Variants in FRAS1 observed in about 807,000 individuals in gnomAD.
FRAS1 encodes extracellular matrix organizing protein FRAS1.
A neutral mutation model predicts 435.2 loss-of-function variants in FRAS1; 290 were observed. The ratio of observed to expected loss-of-function variants is 0.67; its 90% CI spans 0.61 to 0.73. The LOEUF is 0.73. Ranked by LOEUF, FRAS1 falls within the 30% of genes least tolerant of loss-of-function variation. The probability of loss-of-function intolerance (pLI) is 0.00; values close to 1 mark genes in which losing one functional copy is unlikely to be tolerated. For synonymous variants in FRAS1, 1,800 were observed against 1,851.0 expected (o/e 0.97, Z 0.71); for missense variants, 4,860 against 5,001.5 (o/e 0.97, Z 0.85).
chr4:78,266,722 A>G (rs973524024), intron 7 of FRAS1, 112 bp from the exon 8 acceptor site: 7 of 747,988 alleles, frequency 9.4e-6, no homozygotes, highest in African/African-American at 8.7e-5. Context: ...AGTACATTCA[A>G]TGTGGCTCAT....
chr4:78,508,157 T>C (rs1037821596), intron 62 of FRAS1, among the ~76,000 whole-genome samples: 1 of 152,194 alleles, frequency 6.6e-6, no homozygotes. Flanking sequence ...ATAGAATGAA[T>C]GCACTGTCCT....
Position 78,419,051 on chromosome 4 carries a change from C to T in FRAS1, c.4528C>T (p.His1510Tyr), listed in dbSNP as rs1733660672. 2 of 1,554,502 alleles carry T rather than the reference C, an allele frequency of 1.3e-6. No individual in the cohort carries two copies. Among genetic ancestry groups the T allele is most frequent in the East Asian group, 2.3e-5 (1 of 43,556 alleles). The change falls in exon 33 of 74, where the codon CAT becomes TAT. Residue 1510 changes from histidine (H) to tyrosine (Y), a missense_variant. Physicochemically the swap from His to Tyr is moderately conservative, Grantham distance 83. Transcript: ENST00000512123. ...KIVYNITLPLHPNQGIIEHRD... is the reference protein window; with the variant it reads ...KIVYNITLPLYPNQGIIEHRD... ...TGTCTACAACATCACTCTACCTCTG[C>T]ATCCAAATCAAGGTAAGATGTGCAG...
chr4:78,320,954 G>C (rs1215510845), intron 18 of FRAS1, among the ~76,000 whole-genome samples: 1 of 152,162 alleles, frequency 6.6e-6, no homozygotes, highest in Non-Finnish European at 1.5e-5. Flanking sequence ...TTGGTACAGT[G>C]CTCCCATGAA....
intron 50 of FRAS1, among the ~76,000 whole-genome samples, chr4:78,467,823 A>G (rs137966033): frequency 0.02 from 3,065 of 152,312 alleles, 103 homozygotes; most frequent in African/African-American, 0.069. Context: ...TCTGATGATC[A>G]GTGATATTGA....
In FRAS1 at chr4:78,071,664, T is replaced by C. The variant is rs1002843517; in HGVS notation, c.108+5648T>C. The C allele has an allele frequency of 2.9e-4, 44 of 152,214 alleles. 1 individual carries two copies. The highest frequency in any genetic ancestry group is 1.2e-4 in the Non-Finnish European group (8 of 68,048). The allele number at this position is 152,214 out of a possible 1,614,324, so 9.4% of individuals were successfully genotyped here. A position where few individuals can be genotyped will look rare whatever the true frequency, so the allele number is the denominator to read the frequency against. On this transcript the variant is annotated intron_variant, in intron 2 of 73. Coordinates refer to ENST00000512123, the MANE Select transcript of FRAS1 (RefSeq NM_025074.7). ...GTGGTAGCTACGAGCCACATGTGGT[T>C]ATTGAGTACTTGAAGTGTGGCTGAC...
chr4:78,372,772 A>G lies in FRAS1; in HGVS notation c.2924A>G (p.Gln975Arg), dbSNP rs761201148. ...CSGPLKTDCL[Q>R]CMDGYVLQDG... ...GGGCCCCTGAAAACAGACTGCCTGC[A>G]GTGCATGGATGGCTATGTTCTCCAG... The change falls in exon 24 of 74, where the codon CAG (glutamine) becomes CGG (arginine). Residue 975 changes from glutamine to arginine, a missense_variant. Coordinates refer to ENST00000512123, the MANE Select transcript of FRAS1 (RefSeq NM_025074.7). 1.6e-5 allele frequency: 26 copies of G among 1,613,140 alleles called. No homozygotes were observed. In the African/African-American group the frequency reaches 2.8e-4, roughly 17 times the overall value.
intron 2 of FRAS1, among the ~76,000 whole-genome samples, chr4:78,195,301 T>C (rs1722753720): frequency 6.6e-6 from 1 of 152,224 alleles, no homozygotes; most frequent in Non-Finnish European, 1.5e-5. Context: ...CTCAAAGCTG[T>C]CAGCCAGGGA....
Position 78,451,828 on chromosome 4 carries a change from T to G in FRAS1, c.6520T>G (p.Phe2174Val). The G allele has an allele frequency of 1.9e-6, 3 of 1,613,130 alleles. No homozygotes were observed. The highest frequency in any genetic ancestry group is 2.2e-5 in the South Asian group (2 of 90,998). Residue 2174 changes from phenylalanine (F) to valine (V), a missense_variant, in exon 46 of 74, where the codon TTT becomes GTT. Transcript: ENST00000512123. ...GEPGGSFAFK[F>V]DVVDGEGNRL... ...ACCTGGAGGGAGCTTTGCTTTTAAA[T>G]TTGATGTGGTTGATGGAGAAGGCAA...
chr4:78,538,597 A>G (rs1272053453), intron 72 of FRAS1, among the ~76,000 whole-genome samples: 1 of 152,132 alleles, frequency 6.6e-6, no homozygotes, highest in Non-Finnish European at 1.5e-5. Context: ...AGGGGAAGCA[A>G]ATACATCCTT....
intron 9 of FRAS1, among the ~76,000 whole-genome samples, chr4:78,268,447 G>A (rs1339302564): frequency 6.6e-6 from 1 of 152,136 alleles, no homozygotes; most frequent in African/African-American, 2.4e-5. Flanking sequence ...TTTTCTTTAT[G>A]TTAGAGGAAT....
rs376487875 is a variant in FRAS1 at position 78,407,714 on chromosome 4, G to A, written c.4181G>A (p.Gly1394Glu). 5.6e-6 allele frequency: 9 copies of A among 1,613,744 alleles called. No homozygotes were observed. The South Asian group carries it at 7.7e-5, about 14-fold the overall frequency. ...NMPADSPADEGQHLPDGRTAT... is the reference protein window; with the variant it reads ...NMPADSPADEEQHLPDGRTAT... ...CCTGCAGACAGCCCTGCAGATGAAG[G>A]GCAGCACCTGCCTGATGGGAGGACA... Residue 1394 changes from glycine (G) to glutamate (E), a missense_variant, in exon 31 of 74, where the codon GGG becomes GAG. Coordinates refer to ENST00000512123, the MANE Select transcript of FRAS1 (RefSeq NM_025074.7).
At chr4:78,377,063 C>T (rs1205305316) in intron 26 of FRAS1, among the ~76,000 whole-genome samples, 2 of 152,104 alleles carry the variant, frequency 1.3e-5, no homozygotes, top group African/African-American at 2.4e-5. Flanking sequence ...TTAGTGGACA[C>T]GTTACCTTAA....
intron 2 of FRAS1, among the ~76,000 whole-genome samples, chr4:78,136,868 A>C (rs936471254): frequency 3.9e-5 from 6 of 152,158 alleles, no homozygotes; most frequent in African/African-American, 1.4e-4. Flanking sequence ...TATCAGTTTA[A>C]TTCCTCATGC....
At chr4:78,412,851 G>A (rs895955517) in intron 31 of FRAS1, 118 bp from the exon 32 acceptor site, 1 of 468,620 alleles carries the variant, frequency 2.1e-6, no homozygotes, top group African/African-American at 2.0e-5. Context: ...AATGAGAGTT[G>A]TAACGCAGGA....
chr4:78,156,807 C>T (rs559060879), intron 2 of FRAS1, among the ~76,000 whole-genome samples: 1 of 152,236 alleles, frequency 6.6e-6, no homozygotes, highest in East Asian at 1.9e-4. Flanking sequence ...TGTCAGAATA[C>T]CTCTGTGGTG....
At chr4:78,454,173 TAAA>T (rs35377781) in intron 47 of FRAS1, among the ~76,000 whole-genome samples, 5 of 129,424 alleles carry the variant, frequency 3.9e-5, no homozygotes, top group Admixed American at 8.0e-5. Flanking sequence ...CGCTGATACA[TAAA>T]AAAAAAAAAA....
In FRAS1 at chr4:78,479,374, G is replaced by A; in HGVS notation, c.8099G>A (p.Gly2700Glu). The change falls in exon 56 of 74, where the codon GGA (glycine) becomes GAA (glutamate). Residue 2700 changes from glycine to glutamate, a missense_variant and splice_region_variant. Transcript: ENST00000512123. ...TGGTTTTTTGCCATTTGTATTTCAG[G>A]AGATGCAAGCAGCATTGTATCTGCA... ...GFLFAPIERK[G>E]DASSIVSAIC... 6.8e-7 allele frequency: 1 copy of A among 1,462,548 alleles called. No homozygotes were observed. The highest frequency in any genetic ancestry group is 9.1e-7 in the Non-Finnish European group (1 of 1,103,576). The allele number at this position is 1,462,548 out of a possible 1,614,324, so 90.6% of individuals were successfully genotyped here. A position where few individuals can be genotyped will look rare whatever the true frequency, so the allele number is the denominator to read the frequency against.
chr4:78,163,937 AT>A (rs1721239658), intron 2 of FRAS1, among the ~76,000 whole-genome samples: 1 of 152,078 alleles, frequency 6.6e-6, no homozygotes, highest in Admixed American at 6.6e-5. Context: ...GCAGAAAGAG[AT>A]TTTTTGCTCT....
intron 6 of FRAS1, among the ~76,000 whole-genome samples, chr4:78,261,643 G>A (rs1003060978): frequency 1.2e-4 from 17 of 145,104 alleles, no homozygotes; most frequent in Non-Finnish European, 2.1e-4. Context: ...CCTTATCTCC[G>A]AAGACACAGG....
Sources: gnomAD v4.1 joint callset for allele counts (sites outside exome capture counted in the v4.1 genomes callset) on GRCh38, gnomAD v4.1.1 for gene constraint, MANE v1.5 for transcripts, NCBI Gene and HGNC (gene_info 2026-07-23, HGNC 2026-07-21) for gene names.